Variants in AGBL4 observed in about 807,000 individuals in gnomAD.
AGBL4 encodes AGBL carboxypeptidase 4.
AGBL4 carries 58 observed loss-of-function variants against 66.4 expected under a neutral mutation model. The observed-to-expected ratio is 0.87, with a 90% CI of 0.71 to 1.09. The LOEUF is 1.09. Among genes scored for constraint, AGBL4 ranks in the 50% least tolerant of loss-of-function variants. The pLI is 0.00. For synonymous variants in AGBL4, 234 were observed against 222.9 expected, an observed-to-expected ratio of 1.05 and a Z score of -0.44; for missense variants, 579 against 631.0, an observed-to-expected ratio of 0.92 and a Z score of 0.88.
At chr1:49,902,404 A>T (rs574482365) in intron 1 of AGBL4, among the ~76,000 whole-genome samples, 69 of 152,380 alleles carry the variant, frequency 4.5e-4, no homozygotes, top group African/African-American at 1.6e-3. Context: ...GAATACATAC[A>T]TGCAGCCTAC....
At chr1:49,682,216 G>C (rs1423059622) in intron 3 of AGBL4, among the ~76,000 whole-genome samples, 4 of 152,076 alleles carry the variant, frequency 2.6e-5, no homozygotes, top group Non-Finnish European at 5.9e-5. Context: ...GACCATCCTG[G>C]CCAACATGGT....
At chr1:48,693,299 G>C (rs1002261420) in intron 6 of AGBL4, among the ~76,000 whole-genome samples, 1 of 152,130 alleles carries the variant, frequency 6.6e-6, no homozygotes. Context: ...TATTTAGTCC[G>C]ATCTCACCAT....
chr1:49,047,265 C>T (rs761252570), intron 4 of AGBL4, among the ~76,000 whole-genome samples: 56 of 151,976 alleles, frequency 3.7e-4, no homozygotes, highest in Non-Finnish European at 6.9e-4. Flanking sequence ...AATGATGGGC[C>T]ATGGGGTCTA....
At chr1:48,631,941 T>C (rs919408791) in intron 9 of AGBL4, among the ~76,000 whole-genome samples, 3 of 152,246 alleles carry the variant, frequency 2.0e-5, no homozygotes, top group African/African-American at 7.2e-5. Flanking sequence ...CCCTGACATA[T>C]CTTATAAATA....
chr1:49,811,020 T>C (rs1447155614), intron 2 of AGBL4, among the ~76,000 whole-genome samples: 1 of 152,100 alleles, frequency 6.6e-6, no homozygotes, highest in Non-Finnish European at 1.5e-5. Context: ...CTACTTAAGG[T>C]AGTGAAAATA....
chr1:49,374,256 T>C (rs970807968), intron 3 of AGBL4: 5 of 151,872 alleles, frequency 3.3e-5, no homozygotes, highest in African/African-American at 1.2e-4. Context: ...ATTACTGAGC[T>C]CAGATAATGC....
intron 3 of AGBL4, among the ~76,000 whole-genome samples, chr1:49,260,518 T>C (rs1653033690): frequency 6.6e-6 from 1 of 152,110 alleles, no homozygotes; most frequent in Non-Finnish European, 1.5e-5. Context: ...CATCAGAGAA[T>C]ACTACAAACA....
At chr1:48,711,352 T>C (rs1646964603) in intron 6 of AGBL4, among the ~76,000 whole-genome samples, 1 of 152,194 alleles carries the variant, frequency 6.6e-6, no homozygotes, top group Admixed American at 6.5e-5. Context: ...TGGCCTCTTA[T>C]GCTTTTGGGG....
At chr1:49,924,674 TA>T (rs1190620868) in intron 1 of AGBL4, among the ~76,000 whole-genome samples, 2 of 152,180 alleles carry the variant, frequency 1.3e-5, no homozygotes, top group Non-Finnish European at 2.9e-5. Context: ...GATGATAAAC[TA>T]TCCAATTTAA....
intron 3 of AGBL4, among the ~76,000 whole-genome samples, chr1:49,457,669 T>C (rs1368635270): frequency 2.0e-5 from 3 of 151,870 alleles, no homozygotes; most frequent in African/African-American, 4.8e-5. Flanking sequence ...TCTGATGCTA[T>C]CTTCCAAAAT....
chr1:49,884,309 T>C (rs1028031577), intron 1 of AGBL4, among the ~76,000 whole-genome samples: 2 of 151,932 alleles, frequency 1.3e-5, no homozygotes, highest in Admixed American at 6.6e-5. Flanking sequence ...GAAGGTTATG[T>C]AAAACACATG....
intron 11 of AGBL4, among the ~76,000 whole-genome samples, chr1:48,569,636 G>T (rs986279797): frequency 6.6e-6 from 1 of 152,166 alleles, no homozygotes; most frequent in South Asian, 2.1e-4. Flanking sequence ...CATGGATAAG[G>T]TCATGTTGCT....
intron 2 of AGBL4, among the ~76,000 whole-genome samples, chr1:49,739,299 G>C (rs1558208448): frequency 6.6e-6 from 1 of 152,114 alleles, no homozygotes; most frequent in Non-Finnish European, 1.5e-5. Flanking sequence ...GGAAGAAATG[G>C]TATCAGTGAT....
chr1:49,386,517 G>T (rs143776321), intron 3 of AGBL4, among the ~76,000 whole-genome samples: 1 of 152,044 alleles, frequency 6.6e-6, no homozygotes, highest in African/African-American at 2.4e-5. Flanking sequence ...ATACTAGAAA[G>T]AAATAGGCAA....
At chr1:49,166,316 T>A (rs967828536) in intron 4 of AGBL4, among the ~76,000 whole-genome samples, 1 of 152,172 alleles carries the variant, frequency 6.6e-6, no homozygotes, top group African/African-American at 2.4e-5. Flanking sequence ...GATACTGTTA[T>A]ATCTGGCATG....
chr1:48,656,397 A>T (rs1646021056), intron 7 of AGBL4, among the ~76,000 whole-genome samples: 1 of 152,222 alleles, frequency 6.6e-6, no homozygotes, highest in Admixed American at 6.5e-5. Context: ...TGAACTGATC[A>T]TTGCTCATTC....
At position 49,428,430 on chromosome 1, in the gene AGBL4, C is replaced by T. The variant is rs138971996; in HGVS notation, c.283-182566G>A. On this transcript the variant is annotated intron_variant, in intron 3 of 13. Transcript: ENST00000371839. ...AATAAAACTGAGAATGCCACAGGGACGTGAAGGAAGAGGAGAAAGTGACCA... is the reference window on the plus strand; with the variant it reads ...AATAAAACTGAGAATGCCACAGGGATGTGAAGGAAGAGGAGAAAGTGACCA... Among the ~76,000 whole-genome samples the T allele has an allele frequency of 3.5e-3, 526 of 152,168 alleles. 5 individuals carry two copies. The highest frequency in any genetic ancestry group is 0.012 in the African/African-American group (504 of 41,528).
At chr1:48,907,931 T>C (rs1250290510) in intron 5 of AGBL4, among the ~76,000 whole-genome samples, 1 of 152,142 alleles carries the variant, frequency 6.6e-6, no homozygotes, top group Admixed American at 6.6e-5. Context: ...GAGAATTATT[T>C]GAGCAGAAGT....
At chr1:48,894,623 T>C (rs1553120882) in intron 5 of AGBL4, among the ~76,000 whole-genome samples, 2 of 147,376 alleles carry the variant, frequency 1.4e-5, no homozygotes, top group East Asian at 3.9e-4. Context: ...TAGTATATAG[T>C]AAAAAAAAAA....
Sources: gnomAD v4.1 joint callset for allele counts (sites outside exome capture counted in the v4.1 genomes callset) on GRCh38, gnomAD v4.1.1 for gene constraint, MANE v1.5 for transcripts, NCBI Gene and HGNC (gene_info 2026-07-23, HGNC 2026-07-21) for gene names.